Variants in ABTB2 observed in about 807,000 individuals in gnomAD.
ABTB2 encodes ankyrin repeat and BTB domain containing 2.
Under a neutral mutation model 104.1 loss-of-function variants are expected in ABTB2, and 56 were observed. That is an observed-to-expected ratio of 0.54 (90% confidence interval 0.43 to 0.67). The LOEUF is 0.67. Ranked by LOEUF, ABTB2 falls within the 30% of genes least tolerant of loss-of-function variation. ABTB2 has a pLI of 0.00. For missense variants in ABTB2, 1,279 were observed against 1,407.7 expected, an observed-to-expected ratio of 0.91 and a Z score of 1.46; for synonymous variants, 606 against 608.2, an observed-to-expected ratio of 1.00 and a Z score of 0.05.
intron 1 of ABTB2, among the ~76,000 whole-genome samples, chr11:34,277,491 C>A (rs4756127): frequency 0.28 from 41,963 of 149,932 alleles, 6,741 homozygotes; most frequent in African/African-American, 0.43. Context: ...AAAAAAAAAA[C>A]AAACAGATTT....
intron 1 of ABTB2, among the ~76,000 whole-genome samples, chr11:34,232,367 T>C (rs982372488): frequency 6.7e-6 from 1 of 149,738 alleles, no homozygotes; most frequent in Non-Finnish European, 1.5e-5. Context: ...TGAGAAGCAC[T>C]TGAACCTGGG....
chr11:34,297,179 C>T (rs1854632595), intron 1 of ABTB2, among the ~76,000 whole-genome samples: 1 of 152,146 alleles, frequency 6.6e-6, no homozygotes, highest in African/African-American at 2.4e-5. Flanking sequence ...AGCCTGGTAC[C>T]CGGCACACAG....
rs140648358 is a variant in ABTB2 at position 34,293,045 on chromosome 11, A to G, written c.883+63656T>C. ...AGACAGGTTAGGAGGTCATGGATGC[A>G]GTGGAAGAGTGAGGGCTGTGCCTCA... On this transcript the variant is annotated intron_variant, in intron 1 of 16. Transcript: ENST00000435224. 6.2e-4 allele frequency among the ~76,000 whole-genome samples: 95 copies of G among 152,308 alleles called. 1 individual carries two copies. The highest frequency in any genetic ancestry group is 2.3e-3 in the African/African-American group (95 of 41,566).
At chr11:34,195,812 T>G (rs1028186481) in intron 3 of ABTB2, among the ~76,000 whole-genome samples, 2 of 152,194 alleles carry the variant, frequency 1.3e-5, no homozygotes, top group East Asian at 1.9e-4. Flanking sequence ...TTAGTGCCTT[T>G]GTTTTCTGGG....
chr11:34,247,851 G>A (rs1854004186), intron 1 of ABTB2, among the ~76,000 whole-genome samples: 1 of 152,048 alleles, frequency 6.6e-6, no homozygotes, highest in Admixed American at 6.6e-5. Flanking sequence ...AGTAATTATC[G>A]GCACCATTTT....
chr11:34,353,144 A>G (rs1250656280), intron 1 of ABTB2, among the ~76,000 whole-genome samples: 2 of 152,264 alleles, frequency 1.3e-5, no homozygotes, highest in African/African-American at 2.4e-5. Context: ...AGTCTTGTGC[A>G]TGTTACCACT....
At position 34,227,758 on chromosome 11, in the gene ABTB2, G is replaced by A. The variant is rs149217200; in HGVS notation, c.884-23068C>T. On this transcript the variant is annotated intron_variant, in intron 1 of 16. Transcript: ENST00000435224. ...TTCTTTTTTTTTATTTTCTGAGACG[G>A]AGTTTTGCTTCTGTCACCCAGGCTG... is the stretch of plus-strand genomic sequence containing the variant. Among the ~76,000 whole-genome samples the A allele has an allele frequency of 7.3e-3, 1,111 of 152,062 alleles. 19 individuals are homozygous for A. Among genetic ancestry groups the A allele is most frequent in the African/African-American group, 0.026 (1,065 of 41,464 alleles).
chr11:34,331,684 G>T (rs1248732981), intron 1 of ABTB2, among the ~76,000 whole-genome samples: 2 of 152,194 alleles, frequency 1.3e-5, no homozygotes, highest in East Asian at 3.8e-4. Context: ...GTTGATAAAT[G>T]AATCTTCCCA....
Position 34,197,495 on chromosome 11 carries a change from G to T in ABTB2, c.1074C>A (p.His358Gln), listed in dbSNP as rs996063428. Reference protein sequence around the residue: ...SRAMHHMQGRHPLCPGASPAR... With the variant: ...SRAMHHMQGRQPLCPGASPAR... ...CAGGGCTGGCACCCGGGCACAGGGG[G>T]TGACGCCCCTGCATGTGGTGCATGG... Residue 358 changes from histidine (H) to glutamine (Q), a missense_variant, in exon 3 of 17, where the codon CAC becomes CAA. Coordinates refer to ENST00000435224, the MANE Select transcript of ABTB2 (RefSeq NM_145804.3). 6.3e-7 allele frequency: 1 copy of T among 1,581,400 alleles called. No individual in the cohort carries two copies.
chr11:34,224,586 A>C (rs1174129270), intron 1 of ABTB2, among the ~76,000 whole-genome samples: 2 of 152,186 alleles, frequency 1.3e-5, no homozygotes, highest in African/African-American at 4.8e-5. Flanking sequence ...GCACCAGCTC[A>C]TGAGTTAGGT....
intron 1 of ABTB2, among the ~76,000 whole-genome samples, chr11:34,328,786 T>C (rs1855098151): frequency 6.6e-6 from 1 of 152,158 alleles, no homozygotes; most frequent in South Asian, 2.1e-4. Flanking sequence ...AGTTCTGAAA[T>C]GGAAAGCAAA....
At chr11:34,173,857 C>G (rs1315880823) in intron 3 of ABTB2, among the ~76,000 whole-genome samples, 1 of 152,226 alleles carries the variant, frequency 6.6e-6, no homozygotes, top group East Asian at 1.9e-4. Flanking sequence ...GTCTGGTTCT[C>G]CATCTGTAGC....
chr11:34,258,614 T>TTTTTTTTTTTTTTTTTTTTTTG (rs1854152770), intron 1 of ABTB2, among the ~76,000 whole-genome samples: 1 of 143,098 alleles, frequency 7.0e-6, no homozygotes, highest in African/African-American at 2.8e-5. Context: ...TCTTTTTTTT[T>TTTTTTTTTTTTTTTTTTTTTTG]TTTTTTTTTT....
chr11:34,352,535 A>T (rs773381092), intron 1 of ABTB2, among the ~76,000 whole-genome samples: 1 of 152,250 alleles, frequency 6.6e-6, no homozygotes, highest in Non-Finnish European at 1.5e-5. Flanking sequence ...CTTAGTCCAC[A>T]GCACTTTTAA....
Position 34,320,601 on chromosome 11 carries a change from TG to T in ABTB2, c.883+36099del, listed in dbSNP as rs1854987577. On this transcript the variant is annotated intron_variant, in intron 1 of 16. Coordinates refer to ENST00000435224, the MANE Select transcript of ABTB2 (RefSeq NM_145804.3). ...CTTGAAAGCTCAAGGTGCCATTGGG[TG>T]GGCTGGCTGCCTCTTGAATTCTCTC... 3.9e-5 allele frequency among the ~76,000 whole-genome samples: 6 copies of T among 152,298 alleles called. No homozygotes were observed. In the South Asian group the frequency reaches 1.2e-3, roughly 32 times the overall value.
rs1397222033 is a variant in ABTB2, at chr11:34,335,995, T to C, written c.883+20706A>G. 14 of 566,706 alleles carry C rather than the reference T, an allele frequency of 2.5e-5. No homozygotes were observed. The East Asian group carries it at 3.6e-4, about 14-fold the overall frequency. 35.1% of individuals were successfully genotyped at this position (566,706 alleles called of 1,614,324 possible). ...CAGTCTGGCTCTGTTACAAAGCACA[T>C]TGGCCAACTCTACTGGAGGGGACAG... On this transcript the variant is annotated intron_variant, in intron 1 of 16. Transcript: ENST00000435224.
chr11:34,310,492 G>GC (rs1279609222), intron 1 of ABTB2, among the ~76,000 whole-genome samples: 1 of 152,072 alleles, frequency 6.6e-6, no homozygotes, highest in Admixed American at 6.5e-5. Flanking sequence ...ACTCCATGGT[G>GC]CCCTTGTGGG....
chr11:34,168,034 A>G (rs1852825491), intron 5 of ABTB2, 42 bp from the exon 6 acceptor site: 1 of 1,587,350 alleles, frequency 6.3e-7, no homozygotes, highest in East Asian at 2.3e-5. Flanking sequence ...TTGCAAACAG[A>G]ACACAACACC....
At chr11:34,310,091 G>T (rs1328927383) in intron 1 of ABTB2, among the ~76,000 whole-genome samples, 3 of 152,164 alleles carry the variant, frequency 2.0e-5, no homozygotes, top group East Asian at 1.9e-4. Flanking sequence ...CATCTAAAAG[G>T]GGGAGGAGCA....
Sources: gnomAD v4.1 joint callset for allele counts (sites outside exome capture counted in the v4.1 genomes callset) on GRCh38, gnomAD v4.1.1 for gene constraint, MANE v1.5 for transcripts, NCBI Gene and HGNC (gene_info 2026-07-23, HGNC 2026-07-21) for gene names.